SYT16: variants seen among roughly 807,000 people sequenced by gnomAD.
SYT16 encodes synaptotagmin-16.
A neutral mutation model predicts 61.4 loss-of-function variants in SYT16; 42 were observed. The ratio of observed to expected loss-of-function variants is 0.68; its 90% confidence interval spans 0.53 to 0.89. SYT16 has a LOEUF of 0.89. SYT16 is among the 40% of genes least tolerant of loss of function. The probability of loss-of-function intolerance (pLI) is 0.00; values close to 1 mark genes in which losing one functional copy is unlikely to be tolerated. For synonymous variants in SYT16, 314 were observed against 302.3 expected (o/e 1.04, Z -0.40); for missense variants, 804 against 807.3 (o/e 1.00, Z 0.05).
At chr14:61,987,666 A>G (rs2052371739) in intron 2 of SYT16, among the ~76,000 whole-genome samples, 1 of 152,136 alleles carries the variant, frequency 6.6e-6, no homozygotes, top group Non-Finnish European at 1.5e-5. Context: ...TGTGCAAATT[A>G]CAAGGAAAAC....
rs187412401 is a variant in SYT16 at position 62,047,657 on chromosome 14, C to A, written c.524-21946C>A. 1.7e-3 allele frequency among the ~76,000 whole-genome samples: 209 copies of A among 123,474 alleles called. 5 individuals carry two copies. The East Asian group carries it at 0.038, about 23-fold the overall frequency. 81.0% of individuals were successfully genotyped at this position (123,474 alleles called of 152,430 possible). A position where few individuals can be genotyped will look rare whatever the true frequency, so the allele number is the denominator to read the frequency against. ...ATTTTGAGATATGTCCCATCAATAACTAATTTATTGAGAGTTTTTACCATG... is the reference window on the plus strand; with the variant it reads ...ATTTTGAGATATGTCCCATCAATAAATAATTTATTGAGAGTTTTTACCATG... On this transcript the variant is annotated intron_variant, in intron 3 of 7. Transcript: ENST00000683842.
At chr14:61,890,583 T>G (rs1215459933) in intron 1 of SYT16, among the ~76,000 whole-genome samples, 1 of 152,202 alleles carries the variant, frequency 6.6e-6, no homozygotes, top group South Asian at 2.1e-4. Flanking sequence ...CTTTTGAGCT[T>G]CTTTTGCTGC....
Position 62,103,627 on chromosome 14 carries a change from T to C in SYT16, c.*2920T>C, listed in dbSNP as rs1051881946. 2 of 152,254 alleles carry C rather than the reference T, an allele frequency of 1.3e-5. No homozygotes were observed. Among genetic ancestry groups the C allele is most frequent in the Non-Finnish European group, 2.9e-5 (2 of 68,094 alleles). 9.4% of individuals were successfully genotyped at this position (152,254 alleles called of 1,614,324 possible). ...ACCATTCACCAGGCAGCCGAACACC[T>C]GCTCTCCGTTCCCTCTCCTTCACTG... is the stretch of plus-strand genomic sequence containing the variant. On this transcript the variant is annotated 3_prime_UTR_variant, in exon 8 of 8. Transcript: ENST00000683842.
Position 61,884,423 on chromosome 14 carries a change from A to G in SYT16, c.-325+71613A>G, listed in dbSNP as rs146050584. Among the ~76,000 whole-genome samples the G allele has an allele frequency of 3.3e-5, 5 of 152,334 alleles. No homozygotes were observed. The East Asian group carries it at 9.6e-4, about 29-fold the overall frequency. On this transcript the variant is annotated intron_variant, in intron 1 of 7. Coordinates refer to ENST00000683842, the MANE Select transcript of SYT16 (RefSeq NM_001367656.1). ...CTTAAACACAGATCTTCAACTAATT[A>G]AGGAAGTACCTTCTGTATTACTAAA...
At chr14:61,822,790 A>C (rs888020672) in intron 1 of SYT16, among the ~76,000 whole-genome samples, 16 of 152,178 alleles carry the variant, frequency 1.1e-4, no homozygotes, top group African/African-American at 3.4e-4. Flanking sequence ...AAATTAAAAA[A>C]CACAGGAAGT....
chr14:61,869,061 A>G (rs542029950), intron 1 of SYT16, among the ~76,000 whole-genome samples: 3 of 152,104 alleles, frequency 2.0e-5, no homozygotes, highest in South Asian at 2.1e-4. Context: ...GTAATATTTT[A>G]TTGTGAAATT....
intron 1 of SYT16, among the ~76,000 whole-genome samples, chr14:61,906,739 A>T (rs1316592156): frequency 8.4e-6 from 1 of 119,164 alleles, no homozygotes; most frequent in African/African-American, 3.3e-5. Context: ...CCATCCATCC[A>T]TCCATCCATC....
Position 62,084,405 on chromosome 14 carries a change from CCCAGCTCTGGTTCTT to C in SYT16, c.1624+25_1624+39del. Reference sequence around the variant, plus strand: ...CACCTGGTAAGTGTGAGTCTGTTCTCCCAGCTCTGGTTCTTCCAGAGGCAAGTGGAAAGCCCTGTC... The same window carrying C: ...CACCTGGTAAGTGTGAGTCTGTTCTCCCAGAGGCAAGTGGAAAGCCCTGTC... On this transcript the variant is annotated intron_variant, in intron 7 of 7. Coordinates refer to ENST00000683842, the MANE Select transcript of SYT16 (RefSeq NM_001367656.1). 2 of 1,601,322 alleles carry C rather than the reference CCCAGCTCTGGTTCTT, an allele frequency of 1.2e-6. No homozygotes were observed.
chr14:61,987,676 C>G (rs11629169), intron 2 of SYT16, among the ~76,000 whole-genome samples: 1 of 151,270 alleles, frequency 6.6e-6, no homozygotes, highest in Non-Finnish European at 1.5e-5. Context: ...ACAAGGAAAA[C>G]GATAGAAGAA....
chr14:61,953,101 G>A (rs1254840), intron 1 of SYT16, among the ~76,000 whole-genome samples: 32,656 of 151,996 alleles, frequency 0.21, 4,219 homozygotes, highest in South Asian at 0.35. Context: ...GAAAATTAAA[G>A]CTCTCAGTGT....
chr14:61,890,013 A>G (rs970678523), intron 1 of SYT16, among the ~76,000 whole-genome samples: 4 of 152,044 alleles, frequency 2.6e-5, no homozygotes, highest in Admixed American at 6.6e-5. Context: ...GGGACATACA[A>G]TCAGGCCAGA....
At chr14:62,096,632 T>C (rs2057284210) in intron 7 of SYT16, among the ~76,000 whole-genome samples, 1 of 152,108 alleles carries the variant, frequency 6.6e-6, no homozygotes, top group South Asian at 2.1e-4. Flanking sequence ...TGCAAAATTC[T>C]ATTAAATATA....
chr14:62,051,526 G>C (rs1241850525), intron 3 of SYT16, among the ~76,000 whole-genome samples: 1 of 152,214 alleles, frequency 6.6e-6, no homozygotes, highest in African/African-American at 2.4e-5. Context: ...CAGTACCTCA[G>C]TTGGAAATGC....
In SYT16 at chr14:62,106,470, A is replaced by G. The variant is rs1430337576; in HGVS notation, c.*5763A>G. The stretch of plus-strand genomic sequence containing the variant: ...TTTGGAAGTTTTTTAAAATAGAAAA[A>G]TGTACTTGAAGTCTTGGTTCTGCTA... On this transcript the variant is annotated 3_prime_UTR_variant, in exon 8 of 8. Coordinates refer to ENST00000683842, the MANE Select transcript of SYT16 (RefSeq NM_001367656.1). The G allele has an allele frequency of 1.3e-5, 2 of 152,136 alleles. No homozygotes were observed. The highest frequency in any genetic ancestry group is 2.4e-5 in the African/African-American group (1 of 41,424). 9.4% of individuals were successfully genotyped at this position (152,136 alleles called of 1,614,324 possible).
chr14:62,111,747 G>T lies in SYT16; in HGVS notation c.*11040G>T, dbSNP rs141971452. On this transcript the variant is annotated 3_prime_UTR_variant, in exon 8 of 8. Coordinates refer to ENST00000683842, the MANE Select transcript of SYT16 (RefSeq NM_001367656.1). ...CCTCTAGTTTTCCAGTAGAGAATTCGTATGTGGTCCAGAGGTTCAAGAGAG... is the reference window on the plus strand; with the variant it reads ...CCTCTAGTTTTCCAGTAGAGAATTCTTATGTGGTCCAGAGGTTCAAGAGAG... 3.9e-5 allele frequency: 6 copies of T among 152,114 alleles called. No homozygotes were observed. In the East Asian group the frequency reaches 5.8e-4, roughly 15 times the overall value. 9.4% of individuals were successfully genotyped at this position (152,114 alleles called of 1,614,324 possible). A position where few individuals can be genotyped will look rare whatever the true frequency, so the allele number is the denominator to read the frequency against.
intron 7 of SYT16, among the ~76,000 whole-genome samples, chr14:62,097,747 C>T (rs758371949): frequency 6.6e-6 from 1 of 152,206 alleles, no homozygotes; most frequent in African/African-American, 2.4e-5. Context: ...TGGCCTTTCT[C>T]ATAATTAGAA....
At chr14:62,056,991 C>T (rs1046820170) in intron 3 of SYT16, among the ~76,000 whole-genome samples, 14 of 152,264 alleles carry the variant, frequency 9.2e-5, no homozygotes, top group African/African-American at 3.1e-4. Flanking sequence ...ACGTGAGCCG[C>T]GCTGGGGGGC....
intron 2 of SYT16, among the ~76,000 whole-genome samples, chr14:61,977,355 A>G (rs2051856400): frequency 6.6e-6 from 1 of 152,194 alleles, no homozygotes; most frequent in African/African-American, 2.4e-5. Flanking sequence ...GACTGGCTGA[A>G]ACTGAGTAAT....
intron 5 of SYT16, chr14:62,079,201 CAA>C (rs534732647): frequency 1.5e-5 from 4 of 259,574 alleles, no homozygotes; most frequent in Non-Finnish European, 2.8e-5. Flanking sequence ...CAGTTGTATT[CAA>C]AAGTCTCTAT....
Sources: gnomAD v4.1 joint callset for allele counts (sites outside exome capture counted in the v4.1 genomes callset) on GRCh38, gnomAD v4.1.1 for gene constraint, MANE v1.5 for transcripts, NCBI Gene and HGNC (gene_info 2026-07-23, HGNC 2026-07-21) for gene names.